SLC24A2: variants seen among roughly 807,000 people sequenced by gnomAD.
SLC24A2 encodes solute carrier family 24 member 2.
In SLC24A2, 36 loss-of-function variants were observed where a neutral mutation model predicts 62.0. That is an observed-to-expected ratio of 0.58 (90% CI 0.44 to 0.77). The LOEUF is 0.77. Among genes scored for constraint, SLC24A2 ranks in the 30% least tolerant of loss-of-function variants. The probability of loss-of-function intolerance (pLI) is 0.00; values close to 1 mark genes in which losing one functional copy is unlikely to be tolerated. For synonymous variants in SLC24A2, 358 were observed against 294.0 expected (o/e 1.22, Z -2.23); for missense variants, 846 against 817.9 (o/e 1.03, Z -0.42).
chr9:20,251,447 C>A, the SLC24A2 span, among the ~76,000 whole-genome samples: 1 of 152,200 alleles, frequency 6.6e-6, no homozygotes, highest in Non-Finnish European at 1.5e-5. Flanking sequence ...TCATAACTTT[C>A]TCTAAGTAGG....
chr9:19,884,642 A>AT, the SLC24A2 span, among the ~76,000 whole-genome samples: 1 of 152,068 alleles, frequency 6.6e-6, no homozygotes, highest in African/African-American at 2.4e-5. Flanking sequence ...TCTATTTATG[A>AT]TTTTTTCAAA....
At chr9:20,230,296 G>A in the SLC24A2 span, among the ~76,000 whole-genome samples, 1 of 152,162 alleles carries the variant, frequency 6.6e-6, no homozygotes, top group Non-Finnish European at 1.5e-5. Context: ...CTAGATCCCT[G>A]AGGAATCGTC....
chr9:19,973,965 A>G, the SLC24A2 span, among the ~76,000 whole-genome samples: 1 of 152,196 alleles, frequency 6.6e-6, no homozygotes, highest in African/African-American at 2.4e-5. Context: ...CTGGTTTATC[A>G]TACACTGAAA....
intron 2 of SLC24A2, among the ~76,000 whole-genome samples, chr9:19,769,208 T>C (rs186973651): frequency 1.3e-5 from 2 of 152,314 alleles, no homozygotes; most frequent in African/African-American, 2.4e-5. Flanking sequence ...AAAATCTCAG[T>C]GTCACCCTCG....
the SLC24A2 span, among the ~76,000 whole-genome samples, chr9:20,268,203 T>C: frequency 7.2e-4 from 109 of 152,288 alleles, no homozygotes; most frequent in African/African-American, 2.5e-3. Context: ...TGACAGTACA[T>C]TGAAAACTGA....
At position 19,719,275 on chromosome 9, in the gene SLC24A2, C is replaced by T. The variant is rs377464270; in HGVS notation, c.930+66662G>A. On this transcript the variant is annotated intron_variant, in intron 2 of 10. Coordinates refer to ENST00000341998, the MANE Select transcript of SLC24A2 (RefSeq NM_020344.4). The stretch of plus-strand genomic sequence containing the variant: ...TGGGGACTTATTACAACACTCTTGT[C>T]ACCAAATTAGTAGATAAGAAAGTGT... Among the ~76,000 whole-genome samples the T allele has an allele frequency of 2.2e-4, 34 of 152,296 alleles. 1 individual carries two copies. The highest frequency in any genetic ancestry group is 6.7e-4 in the African/African-American group (28 of 41,566).
At chr9:19,935,602 C>T in the SLC24A2 span, among the ~76,000 whole-genome samples, 2 of 152,320 alleles carry the variant, frequency 1.3e-5, no homozygotes, top group East Asian at 3.9e-4. Context: ...TGTGTGTGTC[C>T]TCAGGACGAG....
the SLC24A2 span, among the ~76,000 whole-genome samples, chr9:19,917,007 C>T: frequency 5.4e-4 from 12 of 22,198 alleles, no homozygotes; most frequent in African/African-American, 7.3e-4. Flanking sequence ...TTTTTTTGTG[C>T]CTACATTTAA....
chr9:19,837,409 G>T, the SLC24A2 span, among the ~76,000 whole-genome samples: 130 of 122,924 alleles, frequency 1.1e-3, no homozygotes, highest in Middle Eastern at 6.1e-3. Flanking sequence ...CCGAGATTGC[G>T]CCACTGCAGT....
At chr9:19,978,258 T>C in the SLC24A2 span, among the ~76,000 whole-genome samples, 64 of 152,334 alleles carry the variant, frequency 4.2e-4, no homozygotes, top group East Asian at 8.7e-3. Flanking sequence ...CATCATATGA[T>C]CATTCAATAC....
chr9:20,028,617 G>C, the SLC24A2 span, among the ~76,000 whole-genome samples: 1 of 152,086 alleles, frequency 6.6e-6, no homozygotes, highest in Non-Finnish European at 1.5e-5. Flanking sequence ...CCATAGAAAC[G>C]TGCCATTCTG....
At chr9:19,894,212 G>A in the SLC24A2 span, among the ~76,000 whole-genome samples, 2 of 152,144 alleles carry the variant, frequency 1.3e-5, no homozygotes, top group Non-Finnish European at 2.9e-5. Context: ...GAACCTTTCC[G>A]TCATCTCACA....
the SLC24A2 span, among the ~76,000 whole-genome samples, chr9:20,065,760 C>A: frequency 6.6e-6 from 1 of 152,194 alleles, no homozygotes; most frequent in African/African-American, 2.4e-5. Flanking sequence ...CCATATGAAC[C>A]CTGAACCCCT....
intron 2 of SLC24A2, among the ~76,000 whole-genome samples, chr9:19,666,562 C>T (rs1463930736): frequency 3.3e-5 from 5 of 151,974 alleles, no homozygotes; most frequent in Admixed American, 2.0e-4. Context: ...TTTTCTAGTT[C>T]TGTCTGTTTG....
chr9:20,065,446 G>C, the SLC24A2 span, among the ~76,000 whole-genome samples: 1 of 152,182 alleles, frequency 6.6e-6, no homozygotes, highest in Admixed American at 6.5e-5. Flanking sequence ...ATGTGGACTG[G>C]ACAGAGGAAT....
At chr9:19,588,354 C>T (rs1420072995) in intron 5 of SLC24A2, among the ~76,000 whole-genome samples, 1 of 151,978 alleles carries the variant, frequency 6.6e-6, no homozygotes, top group East Asian at 1.9e-4. Flanking sequence ...GGGCTCTCTG[C>T]TTTGGTAATT....
the SLC24A2 span, among the ~76,000 whole-genome samples, chr9:20,215,524 G>A: frequency 6.6e-6 from 1 of 152,130 alleles, no homozygotes; most frequent in African/African-American, 2.4e-5. Context: ...AACAAATGTA[G>A]CATTTGATTA....
At chr9:20,083,354 G>A in the SLC24A2 span, among the ~76,000 whole-genome samples, 1 of 152,162 alleles carries the variant, frequency 6.6e-6, no homozygotes, top group African/African-American at 2.4e-5. Context: ...AAATGGATAC[G>A]AAACAGTGGA....
At chr9:20,281,689 G>A in the SLC24A2 span, among the ~76,000 whole-genome samples, 1 of 152,054 alleles carries the variant, frequency 6.6e-6, no homozygotes, top group Admixed American at 6.6e-5. Flanking sequence ...ATTTGATTTG[G>A]GGAATATCTC....
Sources: gnomAD v4.1 joint callset for allele counts (sites outside exome capture counted in the v4.1 genomes callset) on GRCh38, gnomAD v4.1.1 for gene constraint, MANE v1.5 for transcripts, NCBI Gene and HGNC (gene_info 2026-07-23, HGNC 2026-07-21) for gene names.